The following ZNF343 variants were observed in gnomAD, a reference collection of about 807,000 sequenced individuals.
The protein encoded by ZNF343 is zinc finger protein 343.
ZNF343 carries 11 observed loss-of-function variants against 13.8 expected under a neutral mutation model. That is an observed-to-expected ratio of 0.80 (90% CI 0.50 to 1.32). The LOEUF (loss-of-function observed/expected upper bound fraction) is 1.32. ZNF343 is among the 40% of genes most tolerant of loss of function. The probability of loss-of-function intolerance (pLI) is 0.00; values close to 1 mark genes in which losing one functional copy is unlikely to be tolerated. For synonymous variants in ZNF343, 248 were observed against 260.0 expected (o/e 0.95, Z 0.44); for missense variants, 658 against 714.2 (o/e 0.92, Z 0.90).
chr20:2,520,839 G>A (rs2085779263), intron 1 of ZNF343, among the ~76,000 whole-genome samples: 1 of 152,164 alleles, frequency 6.6e-6, no homozygotes, highest in Non-Finnish European at 1.5e-5. Context: ...ACAGTTGCTG[G>A]CAGCACAGGT....
In ZNF343 at chr20:2,522,468, G is replaced by C. The variant is rs149944728; in HGVS notation, c.-347+1987C>G. 2.7e-3 allele frequency among the ~76,000 whole-genome samples: 405 copies of C among 152,258 alleles called. 5 individuals carry two copies. Among genetic ancestry groups the C allele is most frequent in the African/African-American group, 9.0e-3 (375 of 41,540 alleles). On this transcript the variant is annotated intron_variant, in intron 1 of 6. Transcript: ENST00000358413. ...TGTTTTTATTTAACCTACTTCATTT[G>C]CTCAAACTTACAAAAAGATTACTTA...
At position 2,493,545 on chromosome 20, in the gene ZNF343, T is replaced by A; in HGVS notation, c.151A>T (p.Lys51Ter). The change falls in exon 4 of 6, where the codon AAA (lysine) becomes TAA (stop). Residue 51 changes from lysine to a stop codon, truncating the protein, a stop_gained. Transcript: ENST00000278772. LOFTEE classifies it high-confidence loss of function. Reference sequence around the variant, plus strand: ...ACTATTTGGGCCTTTCCCTCCTTTTTCTGGGGGCAGTCAGTATCATTAGAA... The same window carrying A: ...ACTATTTGGGCCTTTCCCTCCTTTTACTGGGGGCAGTCAGTATCATTAGAA... ...LPSNDTDCPQKKEGKAQIVVP... is the reference protein window; with the variant it reads ...LPSNDTDCPQ The A allele has an allele frequency of 6.2e-7, 1 of 1,613,710 alleles. No homozygotes were observed. The highest frequency in any genetic ancestry group is 1.1e-5 in the South Asian group (1 of 91,056).
intron 2 of ZNF343, among the ~76,000 whole-genome samples, chr20:2,500,291 G>C (rs1389090733): frequency 6.6e-6 from 1 of 152,176 alleles, no homozygotes; most frequent in African/African-American, 2.4e-5. Flanking sequence ...AAATTGTTGA[G>C]AGTTTAAAAT....
chr20:2,523,354 C>T (rs977953977), intron 1 of ZNF343, among the ~76,000 whole-genome samples: 2 of 152,104 alleles, frequency 1.3e-5, no homozygotes, highest in Non-Finnish European at 2.9e-5. Flanking sequence ...AGTCCGGCAG[C>T]CCATGCCACT....
chr20:2,493,301 G>C (rs1440567289), intron 4 of ZNF343, among the ~76,000 whole-genome samples: 1 of 152,094 alleles, frequency 6.6e-6, no homozygotes, highest in East Asian at 1.9e-4. Flanking sequence ...ATGGGGTCTG[G>C]AATGAGCATT....
intron 4 of ZNF343, 115 bp downstream of exon 4, chr20:2,493,404 C>T (rs1159445472): frequency 1.9e-5 from 18 of 951,290 alleles, no homozygotes; most frequent in Non-Finnish European, 3.0e-5. Context: ...TAATGCTTCA[C>T]TCATCTACCC....
chr20:2,510,433 G>A (rs1163577833), upstream of ZNF343, among the ~76,000 whole-genome samples: 1 of 152,206 alleles, frequency 6.6e-6, no homozygotes, highest in East Asian at 1.9e-4. Flanking sequence ...TGGGTTAGCA[G>A]GAGATTTTGT....
chr20:2,516,580 C>G (rs960729376), intron 1 of ZNF343, among the ~76,000 whole-genome samples: 16 of 151,924 alleles, frequency 1.1e-4, no homozygotes, highest in African/African-American at 3.9e-4. Context: ...GATGAGTGAG[C>G]AGGGTAGGGT....
At position 2,482,004 on chromosome 20, in the gene ZNF343, T is replaced by C. The variant is rs934865423; in HGVS notation, c.*1157A>G. The C allele has an allele frequency of 6.6e-6, 1 of 152,220 alleles. No individual in the cohort carries two copies. The highest frequency in any genetic ancestry group is 2.4e-5 in the African/African-American group (1 of 41,430). The allele number at this position is 152,220 out of a possible 1,614,324, so 9.4% of individuals were successfully genotyped here. ...ACTTGGGGTAGCAAGACTGTCCTCC[T>C]AAGTCAGTTGAGGAGTGACATCGGG... On this transcript the variant is annotated 3_prime_UTR_variant, in exon 6 of 6. Transcript: ENST00000278772.
intron 1 of ZNF343, among the ~76,000 whole-genome samples, chr20:2,514,328 C>T (rs1198369152): frequency 1.3e-5 from 2 of 152,178 alleles, no homozygotes; most frequent in African/African-American, 4.8e-5. Flanking sequence ...CACTTTTCTT[C>T]TGTAAGTAAG....
At chr20:2,490,949 C>T (rs994632136) in intron 5 of ZNF343, among the ~76,000 whole-genome samples, 4 of 152,038 alleles carry the variant, frequency 2.6e-5, no homozygotes, top group Non-Finnish European at 4.4e-5. Context: ...GTCAGATGGG[C>T]GCTAGTTCAA....
At chr20:2,495,948 G>A (rs1181501698) in intron 2 of ZNF343, among the ~76,000 whole-genome samples, 1 of 152,148 alleles carries the variant, frequency 6.6e-6, no homozygotes, top group East Asian at 1.9e-4. Flanking sequence ...CCAACGCGCT[G>A]GGATTACAGG....
At chr20:2,497,160 TGTTTGAGACTAG>T (rs1011711847) in intron 2 of ZNF343, among the ~76,000 whole-genome samples, 1 of 152,174 alleles carries the variant, frequency 6.6e-6, no homozygotes, top group African/African-American at 2.4e-5. Context: ...CAAAGTTTGA[TGTTTGAGACTAG>T]GTTTGAGATG....
At position 2,518,899 on chromosome 20, in the gene ZNF343, T is replaced by C. The variant is rs2085771064; in HGVS notation, c.-347+5556A>G. 6.6e-6 allele frequency among the ~76,000 whole-genome samples: 1 copy of C among 152,198 alleles called. No individual in the cohort carries two copies. Among genetic ancestry groups the C allele is most frequent in the South Asian group, 2.1e-4 (1 of 4,828 alleles). ...GGGGGTGGTTTCATCCATGCTGTCCTCATGATAGTGAGTTCTCACAAGATC... is the reference window on the plus strand; with the variant it reads ...GGGGGTGGTTTCATCCATGCTGTCCCCATGATAGTGAGTTCTCACAAGATC... On this transcript the variant is annotated intron_variant, in intron 1 of 6. Transcript: ENST00000358413. This position sits in a 1 kb window ranked among gnomAD's most constrained non-coding sequence, Gnocchi z 4.6.
chr20:2,519,317 C>G (rs569227228), intron 1 of ZNF343, among the ~76,000 whole-genome samples: 11 of 152,182 alleles, frequency 7.2e-5, no homozygotes, highest in Non-Finnish European at 1.6e-4. Flanking sequence ...CTGACTCTCC[C>G]TCTGACCCTG....
At position 2,508,885 on chromosome 20, in the gene ZNF343, G is replaced by A. The variant is rs6138281; in HGVS notation, c.-241C>T. On this transcript the variant is annotated 5_prime_UTR_variant, in exon 1 of 6. Transcript: ENST00000278772. This position sits in a 1 kb window ranked among gnomAD's most constrained non-coding sequence, Gnocchi z 4.5. ...AGCCGCGGAGGCCGCGCTCACCAGA[G>A]CCAGCGTGCCCGGGATCTCGGCCAC... The A allele has an allele frequency of 0.17, 26,113 of 152,270 alleles. 2,384 individuals are homozygous for A. Among genetic ancestry groups the A allele is most frequent in the East Asian group, 0.24 (1,238 of 5,158 alleles). 9.4% of individuals were successfully genotyped at this position (152,270 alleles called of 1,614,324 possible).
chr20:2,485,537 C>CA (rs2085268989), intron 5 of ZNF343, among the ~76,000 whole-genome samples: 1 of 152,204 alleles, frequency 6.6e-6, no homozygotes, highest in Non-Finnish European at 1.5e-5. Flanking sequence ...CTTAAAAACT[C>CA]ATCCTATCCT....
chr20:2,516,425 G>A (rs1298161671), intron 1 of ZNF343, among the ~76,000 whole-genome samples: 1 of 152,244 alleles, frequency 6.6e-6, no homozygotes, highest in East Asian at 1.9e-4. Context: ...GAGGGTTAGT[G>A]TTTGATTTAG....
chr20:2,522,200 G>C (rs6083540), intron 1 of ZNF343, among the ~76,000 whole-genome samples: 40 of 152,272 alleles, frequency 2.6e-4, no homozygotes, highest in Admixed American at 1.0e-3. Flanking sequence ...AAAATGCTTA[G>C]TACTGACTAC....
Sources: gnomAD v4.1 joint callset for allele counts (sites outside exome capture counted in the v4.1 genomes callset) on GRCh38, gnomAD v4.1.1 for gene constraint, Gnocchi (gnomAD v3.1) non-coding constraint, MANE v1.5 for transcripts, NCBI Gene and HGNC (gene_info 2026-07-23, HGNC 2026-07-21) for gene names.